GYS1: variants seen among roughly 807,000 people sequenced by gnomAD.
GYS1 encodes glycogen synthase 1.
Under a neutral mutation model 89.1 loss-of-function variants are expected in GYS1, and 60 were observed. The observed-to-expected ratio is 0.67, with a 90% CI of 0.55 to 0.84. The LOEUF (loss-of-function observed/expected upper bound fraction) is 0.84. GYS1 is among the 40% of genes least tolerant of loss of function. The pLI is 0.00. For synonymous variants in GYS1, 366 were observed against 401.7 expected, an observed-to-expected ratio of 0.91 and a Z score of 1.06; for missense variants, 888 against 1,003.1, an observed-to-expected ratio of 0.89 and a Z score of 1.55.
At chr19:48,977,866 A>G in intron 10 of GYS1, 58 bp downstream of exon 10, 1 of 1,338,244 alleles carries the variant, frequency 7.5e-7, no homozygotes, top group East Asian at 2.3e-5. Flanking sequence ...TGGCCTGGCA[A>G]GCTGCCTCTG....
intron 2 of GYS1, among the ~76,000 whole-genome samples, chr19:48,987,737 A>T (rs1289693432): frequency 6.7e-6 from 1 of 149,308 alleles, no homozygotes; most frequent in African/African-American, 2.5e-5. Flanking sequence ...CCCGGGTTCA[A>T]GCAATTCTCC....
intron 10 of GYS1, among the ~76,000 whole-genome samples, chr19:48,976,472 A>G (rs1255098490): frequency 1.3e-5 from 2 of 152,056 alleles, no homozygotes; most frequent in African/African-American, 4.8e-5. Flanking sequence ...ATAAATGCCA[A>G]TTCTCTCTGA....
chr19:48,975,233 A>ATTT (rs554660546), intron 10 of GYS1, among the ~76,000 whole-genome samples: 1 of 134,850 alleles, frequency 7.4e-6, no homozygotes, highest in South Asian at 2.4e-4. Flanking sequence ...GCTCAGCCTA[A>ATTT]TTTTTTTTTT....
In GYS1 at chr19:48,972,477, AATTATT is replaced by A. The variant is rs578170674; in HGVS notation, c.1550-1460_1550-1455del. ...GTGTGAGCCACTGCCCCTGACCTAT[AATTATT>A]ATTATTATTATTTTAGACAGGGTCT... On this transcript the variant is annotated intron_variant, in intron 12 of 15. Coordinates refer to ENST00000323798, the MANE Select transcript of GYS1 (RefSeq NM_002103.5). Among the ~76,000 whole-genome samples the A allele has an allele frequency of 3.1e-3, 466 of 150,270 alleles. 3 individuals are homozygous for A. Among genetic ancestry groups the A allele is most frequent in the African/African-American group, 0.01 (422 of 40,762 alleles).
intron 8 of GYS1, among the ~76,000 whole-genome samples, chr19:48,980,941 C>A (rs952286190): frequency 5.3e-5 from 8 of 151,470 alleles, no homozygotes; most frequent in Admixed American, 5.3e-4. Context: ...ATAGTGAAAA[C>A]CTGTCTCTAA....
chr19:48,978,389 C>A (rs1366547124), intron 8 of GYS1, among the ~76,000 whole-genome samples: 1 of 151,718 alleles, frequency 6.6e-6, no homozygotes, highest in Non-Finnish European at 1.5e-5. Flanking sequence ...CCGCGCCCGG[C>A]TAATTTTCTA....
At chr19:48,976,573 T>C (rs905642590) in intron 10 of GYS1, among the ~76,000 whole-genome samples, 1 of 152,138 alleles carries the variant, frequency 6.6e-6, no homozygotes, top group African/African-American at 2.4e-5. Flanking sequence ...TGCTGAGAGT[T>C]TGCAATGTTT....
chr19:48,993,096 G>A lies in GYS1; in HGVS notation c.17C>T (p.Thr6Ile). The stretch of plus-strand genomic sequence containing the variant: ...TCCTGGCAGTGAGGACATGGACAAA[G>A]TGCGGTTTAAAGGCATGGCTGGCGC... MPLNRTLSMSSLPGLE... is the reference protein window; with the variant it reads MPLNRILSMSSLPGLE... Residue 6 changes from threonine to isoleucine, a missense_variant, in exon 1 of 16, where the codon ACT (threonine) becomes ATT (isoleucine). Coordinates refer to ENST00000323798, the MANE Select transcript of GYS1 (RefSeq NM_002103.5). 1 of 1,609,246 alleles carries A rather than the reference G, an allele frequency of 6.2e-7. No homozygotes were observed. The highest frequency in any genetic ancestry group is 8.5e-7 in the Non-Finnish European group (1 of 1,175,640).
At position 48,969,908 on chromosome 19, in the gene GYS1, C is replaced by G. The variant is rs1286477760; in HGVS notation, c.1810-53G>C. 8.6e-6 allele frequency: 11 copies of G among 1,273,718 alleles called. No homozygotes were observed. The East Asian group carries it at 2.3e-4, about 27-fold the overall frequency. 78.9% of individuals were successfully genotyped at this position (1,273,718 alleles called of 1,614,324 possible). ...GGATGTGAGAGCCAGGCCCCACCCC[C>G]AGGCAGATGATGGGGGTCTTGGCCA... On this transcript the variant is annotated intron_variant, in intron 14 of 15. Coordinates refer to ENST00000323798, the MANE Select transcript of GYS1 (RefSeq NM_002103.5).
At position 48,974,348 on chromosome 19, in the gene GYS1, GA is replaced by G. The variant is rs1330784356; in HGVS notation, c.1423-10del. Reference sequence around the variant, plus strand: ...TCCGGGTGGAAAATCACCTGGTAGTGAAAAAGAAGGACTCAGCCCAAGTGCC... The same window carrying G: ...TCCGGGTGGAAAATCACCTGGTAGTGAAAAGAAGGACTCAGCCCAAGTGCC... On this transcript the variant is annotated splice_polypyrimidine_tract_variant and intron_variant, in intron 11 of 15. Transcript: ENST00000323798. 1 of 1,613,858 alleles carries G rather than the reference GA, an allele frequency of 6.2e-7. No individual in the cohort carries two copies.
chr19:48,971,355 C>G (rs2038563017), intron 12 of GYS1, among the ~76,000 whole-genome samples: 1 of 152,148 alleles, frequency 6.6e-6, no homozygotes, highest in Non-Finnish European at 1.5e-5. Flanking sequence ...CATCATTCTA[C>G]TTAATTGTCA....
At position 48,975,801 on chromosome 19, in the gene GYS1, C is replaced by CTGTAGTCCCAGCTA. The variant is rs1568618769; in HGVS notation, c.1309-1069_1309-1068insTAGCTGGGACTACA. Among the ~76,000 whole-genome samples the CTGTAGTCCCAGCTA allele has an allele frequency of 3.6e-3, 537 of 150,944 alleles. 5 individuals are homozygous for CTGTAGTCCCAGCTA. Among genetic ancestry groups the CTGTAGTCCCAGCTA allele is most frequent in the African/African-American group, 0.013 (516 of 41,152 alleles). ...AATTAGCCAGGCGTGGTGGTGGGTG[C>CTGTAGTCCCAGCTA]CTCAGGAGGCTGGGGCAGGAGAACG... On this transcript the variant is annotated intron_variant, in intron 10 of 15. Coordinates refer to ENST00000323798, the MANE Select transcript of GYS1 (RefSeq NM_002103.5).
In GYS1 at chr19:48,970,555, G is replaced by A; in HGVS notation, c.1800C>T (p.Tyr600=). ...ERLSDLLDWK[Y]LGRYYMSARH... Reference sequence around the variant, plus strand: ...AAAGTGGGGGTCCTACCCGGCCTAGGTATTTCCAGTCCAGAAGGTCGGAGA... The same window carrying A: ...AAAGTGGGGGTCCTACCCGGCCTAGATATTTCCAGTCCAGAAGGTCGGAGA... The change falls in exon 14 of 16, where the codon TAC becomes TAT. Residue 600 remains tyrosine (Y), a synonymous_variant. Transcript: ENST00000323798. 1.2e-6 allele frequency: 2 copies of A among 1,613,548 alleles called. No homozygotes were observed. The highest frequency in any genetic ancestry group is 1.7e-6 in the Non-Finnish European group (2 of 1,179,766).
Position 48,981,552 on chromosome 19 carries a change from G to A in GYS1, c.1147C>T (p.Gln383Ter). The change falls in exon 8 of 16, where the codon CAA becomes TAA. Residue 383 changes from glutamine (Q) to a stop codon, truncating the protein, a stop_gained. Transcript: ENST00000323798. LOFTEE classifies it high-confidence loss of function. The part of the protein sequence containing the change: ...NNFNVETLKG[Q>*]AVRKQLWDTA... ...AACCAAAGCTGTTTGCGCACAGCTT[G>A]GCCTTTGAGGGTTTCCACGTTGAAA... The A allele has an allele frequency of 6.2e-7, 1 of 1,610,842 alleles. No homozygotes were observed. Among genetic ancestry groups the A allele is most frequent in the Non-Finnish European group, 8.5e-7 (1 of 1,177,016 alleles).
intron 5 of GYS1, among the ~76,000 whole-genome samples, chr19:48,983,902 A>AC (rs1168592029): frequency 1.3e-5 from 2 of 152,188 alleles, no homozygotes; most frequent in Non-Finnish European, 2.9e-5. Context: ...AATACAGGTC[A>AC]CCACCCCCAC....
rs764353801 is a variant in GYS1, at chr19:48,985,710, T to G, written c.679-105A>C. 85 of 1,517,366 alleles carry G rather than the reference T, an allele frequency of 5.6e-5. No homozygotes were observed. In the Admixed American group the frequency reaches 8.1e-4, roughly 15 times the overall value. 94.0% of individuals were successfully genotyped at this position (1,517,366 alleles called of 1,614,324 possible). On this transcript the variant is annotated intron_variant, in intron 4 of 15. Coordinates refer to ENST00000323798, the MANE Select transcript of GYS1 (RefSeq NM_002103.5). ...AAATTGGTGCTGGGGGCTGGATTCC[T>G]GGGTCTGAGGTAGGAGGGGTCTGGG...
At chr19:48,976,442 T>A (rs2038652982) in intron 10 of GYS1, among the ~76,000 whole-genome samples, 1 of 152,060 alleles carries the variant, frequency 6.6e-6, no homozygotes, top group South Asian at 2.1e-4. Context: ...CTCAATAGAA[T>A]GACGGTAAGT....
intron 8 of GYS1, among the ~76,000 whole-genome samples, chr19:48,979,200 G>A (rs1372755215): frequency 6.6e-6 from 1 of 152,004 alleles, no homozygotes; most frequent in African/African-American, 2.4e-5. Flanking sequence ...AAGATTCTGA[G>A]AAAGGACCAC....
rs375202331 is a variant in GYS1, at chr19:48,975,372, C to T, written c.1309-639G>A. ...TACAGACATGAGCCACCACACCTGG[C>T]CTGGAAATGTTTTCCTTCCCTTAAC... On this transcript the variant is annotated intron_variant, in intron 10 of 15. Coordinates refer to ENST00000323798, the MANE Select transcript of GYS1 (RefSeq NM_002103.5). 5.3e-5 allele frequency among the ~76,000 whole-genome samples: 8 copies of T among 151,964 alleles called. No homozygotes were observed. In the South Asian group the frequency reaches 1.0e-3, roughly 20 times the overall value.
Sources: allele counts gnomAD v4.1 joint callset (sites outside exome capture counted in the v4.1 genomes callset), GRCh38; gene constraint gnomAD v4.1.1; transcripts MANE v1.5; gene names NCBI Gene and HGNC (gene_info 2026-07-23, HGNC 2026-07-21).